Variants in HELZ observed in about 807,000 individuals in gnomAD.
HELZ encodes the protein ATP-dependent RNA helicase with zinc finger domain.
A neutral mutation model predicts 218.2 loss-of-function variants in HELZ; 23 were observed. That is an observed-to-expected ratio of 0.11 (90% CI 0.08 to 0.15). The LOEUF is 0.15. Among genes scored for constraint, HELZ ranks in the 10% least tolerant of loss-of-function variants. HELZ has a pLI of 1.00. For synonymous variants in HELZ, 814 were observed against 829.4 expected (o/e 0.98, Z 0.32); for missense variants, 1,813 against 2,353.7 (o/e 0.77, Z 4.75).
Position 67,114,454 on chromosome 17 carries a change from C to G in HELZ, c.3839-51G>C, listed in dbSNP as rs927602023. 4.0e-6 allele frequency: 4 copies of G among 1,003,226 alleles called. No homozygotes were observed. The African/African-American group carries it at 6.4e-5, about 16-fold the overall frequency. 62.1% of individuals were successfully genotyped at this position (1,003,226 alleles called of 1,614,324 possible). On this transcript the variant is annotated intron_variant, in intron 27 of 32. Transcript: ENST00000358691. ...TAAGTTTTCTCCAGTGGATATGACA[C>G]TTCCAATGCTTATCCAATATTAGAG... is the stretch of plus-strand genomic sequence containing the variant.
chr17:67,180,656 T>C (rs886526837), intron 12 of HELZ, among the ~76,000 whole-genome samples: 2 of 152,016 alleles, frequency 1.3e-5, no homozygotes, highest in African/African-American at 2.4e-5. Context: ...GGCAGGTGGA[T>C]TGTCTGAGCT....
intron 31 of HELZ, among the ~76,000 whole-genome samples, chr17:67,091,393 T>C (rs769304574): frequency 1.1e-4 from 17 of 152,108 alleles, no homozygotes; most frequent in African/African-American, 3.9e-4. Flanking sequence ...ATAGACTATA[T>C]TTTAGGTAGT....
rs1400065925 is a variant in HELZ at position 67,072,526 on chromosome 17, C to T, written c.*5726G>A. On this transcript the variant is annotated 3_prime_UTR_variant, in exon 33 of 33. Coordinates refer to ENST00000358691, the MANE Select transcript of HELZ (RefSeq NM_014877.4). The stretch of plus-strand genomic sequence containing the variant: ...TTCCATGCATGTGGATCAAGATTGA[C>T]CCTAAGCACACCAAACAAATGCACA... 6.6e-6 allele frequency: 1 copy of T among 152,628 alleles called. No homozygotes were observed. Among genetic ancestry groups the T allele is most frequent in the Admixed American group, 6.5e-5 (1 of 15,280 alleles). The allele number at this position is 152,628 out of a possible 1,614,324, so 9.5% of individuals were successfully genotyped here.
intron 12 of HELZ, among the ~76,000 whole-genome samples, chr17:67,187,215 C>G (rs2039779445): frequency 6.6e-6 from 1 of 152,016 alleles, no homozygotes. Flanking sequence ...TATTCTGATT[C>G]CAAAGAGTAC....
At chr17:67,245,351 C>G, upstream of HELZ, 2 of 702,848 alleles carry the variant, frequency 2.8e-6, no homozygotes, top group Non-Finnish European at 3.5e-6. Context: ...CTGGCCCCTT[C>G]CCCTCCCCCG....
chr17:67,232,777 A>G (rs975759694), intron 3 of HELZ, among the ~76,000 whole-genome samples: 3 of 152,214 alleles, frequency 2.0e-5, no homozygotes, highest in African/African-American at 7.2e-5. Flanking sequence ...GGCATTGATT[A>G]CACTCTTCTT....
chr17:67,112,901 C>T (rs546283061), intron 28 of HELZ, among the ~76,000 whole-genome samples: 4 of 152,134 alleles, frequency 2.6e-5, no homozygotes, highest in East Asian at 3.9e-4. Flanking sequence ...TCAAAGAAAA[C>T]GAAAGAAACA....
At chr17:67,116,223 A>T (rs2037421808) in intron 27 of HELZ, among the ~76,000 whole-genome samples, 1 of 151,894 alleles carries the variant, frequency 6.6e-6, no homozygotes, top group African/African-American at 2.4e-5. Context: ...AAAAAAAAAT[A>T]CTCTACCAAT....
At chr17:67,218,920 A>AGAGTATTCAGATAG in intron 3 of HELZ, 98 bp from the exon 4 acceptor site, 1 of 790,386 alleles carries the variant, frequency 1.3e-6, no homozygotes, top group Non-Finnish European at 2.1e-6. Flanking sequence ...TATCTATCTG[A>AGAGTATTCAGATAG]ATACTCTCAG....
chr17:67,205,731 T>C (rs16960709), intron 5 of HELZ, among the ~76,000 whole-genome samples: 13,925 of 152,300 alleles, frequency 0.091, 1,682 homozygotes, highest in African/African-American at 0.28. Flanking sequence ...ACAGGTTTCA[T>C]AGATCTTTGG....
rs190602124 is a variant in HELZ at position 67,108,906 on chromosome 17, C to T, written c.4490-180G>A. Among the ~76,000 whole-genome samples the T allele has an allele frequency of 6.6e-6, 1 of 152,280 alleles. No homozygotes were observed. Among genetic ancestry groups the T allele is most frequent in the African/African-American group, 2.4e-5 (1 of 41,540 alleles). ...TCAGTTATGGTGATGATGATGACAA[C>T]TCTTCCTCACTTACATAATGATGAT... On this transcript the variant is annotated intron_variant, in intron 29 of 32. Transcript: ENST00000358691. This position sits in a 1 kb window ranked among gnomAD's most constrained non-coding sequence, Gnocchi z 4.1.
chr17:67,155,906 C>T (rs1174565444), intron 17 of HELZ, among the ~76,000 whole-genome samples: 3 of 149,778 alleles, frequency 2.0e-5, no homozygotes, highest in Non-Finnish European at 4.4e-5. Context: ...TAAGACATAA[C>T]AGTTGATATA....
At chr17:67,191,181 C>T (rs2039886076) in intron 9 of HELZ, among the ~76,000 whole-genome samples, 1 of 152,210 alleles carries the variant, frequency 6.6e-6, no homozygotes, top group African/African-American at 2.4e-5. Context: ...TTTTACTTTT[C>T]ACCTTTAAAC....
At chr17:67,173,200 ATAAT>A (rs199663721) in intron 13 of HELZ, 1,837 of 169,628 alleles carry the variant, frequency 0.011, 19 homozygotes, top group South Asian at 0.017. Flanking sequence ...AGCTATACTA[ATAAT>A]TAATTTGTAT....
chr17:67,083,784 C>G (rs1296275305), intron 32 of HELZ, among the ~76,000 whole-genome samples: 1 of 152,230 alleles, frequency 6.6e-6, no homozygotes, highest in African/African-American at 2.4e-5. Context: ...TCCCCACCCT[C>G]TGCAGTGCAA....
At chr17:67,145,533 C>T (rs1042109244) in intron 21 of HELZ, among the ~76,000 whole-genome samples, 2 of 151,982 alleles carry the variant, frequency 1.3e-5, no homozygotes, top group Non-Finnish European at 2.9e-5. Flanking sequence ...TACCATAAGA[C>T]AAAATGTAAA....
intron 27 of HELZ, among the ~76,000 whole-genome samples, chr17:67,116,661 T>C (rs1039346909): frequency 2.0e-5 from 3 of 152,094 alleles, no homozygotes; most frequent in African/African-American, 7.2e-5. Context: ...ATCCTAAACA[T>C]TTATCTCCTA....
At chr17:67,190,975 T>A (rs2039879369) in intron 9 of HELZ, among the ~76,000 whole-genome samples, 2 of 152,204 alleles carry the variant, frequency 1.3e-5, no homozygotes, top group South Asian at 4.1e-4. Flanking sequence ...CCCAAAGTGC[T>A]GGGATTATAG....
intron 31 of HELZ, 79 bp downstream of exon 31, chr17:67,107,090 C>T: frequency 7.8e-7 from 1 of 1,280,898 alleles, no homozygotes; most frequent in Non-Finnish European, 1.1e-6. Context: ...AAGATCTGTG[C>T]CTTCCTATTA....
Sources: gnomAD v4.1 joint callset for allele counts (sites outside exome capture counted in the v4.1 genomes callset) on GRCh38, gnomAD v4.1.1 for gene constraint, Gnocchi (gnomAD v3.1) non-coding constraint, MANE v1.5 for transcripts, NCBI Gene and HGNC (gene_info 2026-07-23, HGNC 2026-07-21) for gene names.